Variants in MGAT5 observed in about 807,000 individuals in gnomAD.
The protein encoded by MGAT5 is alpha-1,6-mannosylglycoprotein 6-beta-N-acetylglucosaminyltransferase.
Under a neutral mutation model 94.3 loss-of-function variants are expected in MGAT5, and 30 were observed. The observed-to-expected ratio is 0.32, with a 90% CI of 0.24 to 0.43. The LOEUF (loss-of-function observed/expected upper bound fraction) is 0.43, where lower values mean the gene tolerates loss of function less well. Ranked by LOEUF, MGAT5 falls within the 20% of genes least tolerant of loss-of-function variation. The pLI, the probability that MGAT5 is intolerant of heterozygous loss-of-function variation, is 1.00. For missense variants in MGAT5, 691 were observed against 905.5 expected (o/e 0.76, Z 3.04); for synonymous variants, 310 against 322.9 (o/e 0.96, Z 0.43).
At chr2:134,359,797 C>T (rs1274178004) in intron 9 of MGAT5, among the ~76,000 whole-genome samples, 6 of 152,138 alleles carry the variant, frequency 3.9e-5, no homozygotes, top group Non-Finnish European at 7.4e-5. Context: ...TTATTATAAG[C>T]ACCATTAAGA....
chr2:134,374,153 G>A (rs1473582040), intron 10 of MGAT5, among the ~76,000 whole-genome samples: 1 of 152,132 alleles, frequency 6.6e-6, no homozygotes. Context: ...ATCTGGGAAG[G>A]GTGGGGGATT....
At chr2:134,431,784 C>CAGACAG (rs1553466049) in intron 14 of MGAT5, among the ~76,000 whole-genome samples, 1 of 152,092 alleles carries the variant, frequency 6.6e-6, no homozygotes, top group African/African-American at 2.4e-5. Flanking sequence ...CAGTGGGAGC[C>CAGACAG]AGACGGAGCC....
chr2:134,124,801 GAAT>G (rs1403569540), intron 1 of MGAT5, among the ~76,000 whole-genome samples: 3 of 152,180 alleles, frequency 2.0e-5, no homozygotes. Flanking sequence ...GTTATCCCTA[GAAT>G]AATAACAGCC....
chr2:134,314,865 G>C (rs1035314740), intron 2 of MGAT5, among the ~76,000 whole-genome samples: 2 of 152,252 alleles, frequency 1.3e-5, no homozygotes, highest in African/African-American at 4.8e-5. Flanking sequence ...ATAGCAACAG[G>C]GGGGTCTGTG....
At chr2:134,369,663 G>A (rs1427554291) in intron 10 of MGAT5, among the ~76,000 whole-genome samples, 1 of 151,656 alleles carries the variant, frequency 6.6e-6, no homozygotes, top group Non-Finnish European at 1.5e-5. Context: ...CTTAGGGAGG[G>A]GAGAGGAGGA....
intron 2 of MGAT5, among the ~76,000 whole-genome samples, chr2:134,273,827 G>A (rs551445785): frequency 1.3e-5 from 2 of 152,252 alleles, no homozygotes; most frequent in South Asian, 4.2e-4. Context: ...GGATTTTTGA[G>A]CTCTGTTTGT....
intron 1 of MGAT5, among the ~76,000 whole-genome samples, chr2:134,163,209 A>G (rs762257959): frequency 6.6e-6 from 1 of 152,136 alleles, no homozygotes; most frequent in African/African-American, 2.4e-5. Context: ...TAACCTAGCT[A>G]CGATATGGAG....
intron 10 of MGAT5, among the ~76,000 whole-genome samples, chr2:134,381,409 G>GATAGATAGATAGAT (rs1681594331): frequency 7.3e-6 from 1 of 137,784 alleles, no homozygotes; most frequent in African/African-American, 2.7e-5. Context: ...TAGATAGATA[G>GATAGATAGATAGAT]ATAGATAGAT....
At chr2:134,360,109 C>G (rs1232290837) in intron 9 of MGAT5, among the ~76,000 whole-genome samples, 2 of 152,038 alleles carry the variant, frequency 1.3e-5, no homozygotes, top group African/African-American at 4.8e-5. Flanking sequence ...ACCACACTTG[C>G]AGGTTGTTGA....
intron 10 of MGAT5, among the ~76,000 whole-genome samples, chr2:134,362,846 T>C (rs1314223622): frequency 6.6e-6 from 1 of 152,234 alleles, no homozygotes; most frequent in Non-Finnish European, 1.5e-5. Context: ...CTTCACATCC[T>C]CTTGGCTATA....
chr2:134,121,212 T>C (rs1685570238), intron 1 of MGAT5, among the ~76,000 whole-genome samples: 1 of 152,142 alleles, frequency 6.6e-6, no homozygotes, highest in African/African-American at 2.4e-5. Flanking sequence ...ACAGCCGGGA[T>C]TGGGGGCGTG....
chr2:134,453,313 GC>G lies in MGAT5; in HGVS notation c.*4471del, dbSNP rs1443206783. ...TGGTTTGAAAATATGCCAGACTTCA[GC>G]CCCCAAGGAAACAAGGCTGCAAGAA... On this transcript the variant is annotated 3_prime_UTR_variant, in exon 16 of 16. Transcript: ENST00000281923. 6.6e-6 allele frequency: 1 copy of G among 152,134 alleles called. No individual in the cohort carries two copies. The highest frequency in any genetic ancestry group is 6.5e-5 in the Admixed American group (1 of 15,276). The allele number at this position is 152,134 out of a possible 1,614,324, so 9.4% of individuals were successfully genotyped here.
At chr2:134,253,935 G>A (rs951452881), upstream of MGAT5, among the ~76,000 whole-genome samples, 3 of 152,114 alleles carry the variant, frequency 2.0e-5, no homozygotes, top group African/African-American at 4.8e-5. Flanking sequence ...CACCCTCCCC[G>A]TTTTTGCTGA....
chr2:134,199,320 G>A (rs946331985), intron 1 of MGAT5, among the ~76,000 whole-genome samples: 3 of 152,050 alleles, frequency 2.0e-5, no homozygotes, highest in Non-Finnish European at 4.4e-5. Flanking sequence ...TATCCCAGAA[G>A]ACAGCCTCCC....
chr2:134,167,073 A>G (rs1278715892), intron 1 of MGAT5, among the ~76,000 whole-genome samples: 1 of 152,260 alleles, frequency 6.6e-6, no homozygotes, highest in Admixed American at 6.5e-5. Context: ...GGAAACTAAC[A>G]GGGAGTTATA....
chr2:134,412,554 G>A (rs1683729792), intron 11 of MGAT5, among the ~76,000 whole-genome samples: 1 of 152,048 alleles, frequency 6.6e-6, no homozygotes. Context: ...GGTGGTGGTG[G>A]TGGTTGTTTT....
intron 4 of MGAT5, 63 bp from the exon 5 acceptor site, chr2:134,336,154 T>G: frequency 7.3e-7 from 1 of 1,371,406 alleles, no homozygotes; most frequent in Non-Finnish European, 1.0e-6. Flanking sequence ...TTCTCGGTGC[T>G]TTTTATGTAT....
chr2:134,222,074 G>T (rs1320284761), intron 1 of MGAT5, among the ~76,000 whole-genome samples: 2 of 152,008 alleles, frequency 1.3e-5, no homozygotes, highest in African/African-American at 4.8e-5. Context: ...ATGGGGAGAG[G>T]ACATGCTCTG....
intron 1 of MGAT5, among the ~76,000 whole-genome samples, chr2:134,173,105 A>G (rs1688297115): frequency 6.6e-6 from 1 of 152,200 alleles, no homozygotes; most frequent in Admixed American, 6.5e-5. Context: ...AACAGAAAAT[A>G]TGTCCTTTGG....
Sources: gnomAD v4.1 joint callset for allele counts (sites outside exome capture counted in the v4.1 genomes callset) on GRCh38, gnomAD v4.1.1 for gene constraint, MANE v1.5 for transcripts, NCBI Gene and HGNC (gene_info 2026-07-23, HGNC 2026-07-21) for gene names.